Variants in CUL2 observed in about 807,000 individuals in gnomAD.
CUL2 encodes the protein cullin-2.
Under a neutral mutation model 110.2 loss-of-function variants are expected in CUL2, and 22 were observed. The ratio of observed to expected loss-of-function variants is 0.20; its 90% CI spans 0.14 to 0.28. CUL2 has a LOEUF of 0.28. Among genes scored for constraint, CUL2 ranks in the 10% least tolerant of loss-of-function variants. CUL2 has a pLI of 1.00. For missense variants in CUL2, 631 were observed against 905.5 expected, an observed-to-expected ratio of 0.70 and a Z score of 3.89; for synonymous variants, 279 against 293.2, an observed-to-expected ratio of 0.95 and a Z score of 0.49.
chr10:35,051,389 G>A (rs1393051588), intron 5 of CUL2, among the ~76,000 whole-genome samples: 2 of 151,720 alleles, frequency 1.3e-5, no homozygotes, highest in Non-Finnish European at 2.9e-5. Flanking sequence ...CGAGGCGGGC[G>A]GATCACAAGG....
Position 35,011,946 on chromosome 10 carries a change from T to C in CUL2, c.2008A>G (p.Ser670Gly), listed in dbSNP as rs1390039101. The C allele has an allele frequency of 1.9e-6, 3 of 1,603,676 alleles. No homozygotes were observed. The East Asian group carries it at 6.7e-5, about 36-fold the overall frequency. Residue 670 changes from serine to glycine, a missense_variant, in exon 20 of 21, where the codon AGT (serine) becomes GGT (glycine). Physicochemically the swap from Ser to Gly is moderately conservative, Grantham distance 56. This residue lies in a region of CUL2 where 159 missense variants were observed against 202.7 expected (regional missense o/e 0.78). Coordinates refer to ENST00000374749, the MANE Select transcript of CUL2 (RefSeq NM_003591.4). The stretch of plus-strand genomic sequence containing the variant: ...ATTTTCCGGTCCTCATCAACTGCAC[T>C]TCTAGTCTGCTCCATTTCCTGTTTT... The part of the protein sequence containing the change: ...DTPQEMEQTR[S>G]AVDEDRKMYL...
intron 1 of CUL2, among the ~76,000 whole-genome samples, chr10:35,121,294 C>G (rs1005334765): frequency 2.0e-5 from 3 of 152,138 alleles, no homozygotes; most frequent in Non-Finnish European, 2.9e-5. Flanking sequence ...GTGGCGCGAT[C>G]TCAGCTCACT....
At position 35,071,183 on chromosome 10, in the gene CUL2, G is replaced by T. The variant is rs1160585707; in HGVS notation, c.119+16C>A. The T allele has an allele frequency of 6.2e-7, 1 of 1,607,442 alleles. No homozygotes were observed. Among genetic ancestry groups the T allele is most frequent in the Admixed American group, 1.7e-5 (1 of 59,048 alleles). The stretch of plus-strand genomic sequence containing the variant: ...TCAATTTTAGAACATTGATCAAGCT[G>T]CCATTAAAAGGATACGAGAAACGGT... On this transcript the variant is annotated intron_variant, in intron 2 of 20. Coordinates refer to ENST00000374749, the MANE Select transcript of CUL2 (RefSeq NM_003591.4).
At chr10:35,071,846 A>G (rs888703185) in intron 1 of CUL2, among the ~76,000 whole-genome samples, 3 of 152,234 alleles carry the variant, frequency 2.0e-5, no homozygotes, top group Non-Finnish European at 4.4e-5. Flanking sequence ...GACTATTTAC[A>G]TTCATTACAA....
chr10:35,031,373 A>C lies in CUL2; in HGVS notation c.1313T>G (p.Met438Arg). 1 of 1,608,866 alleles carries C rather than the reference A, an allele frequency of 6.2e-7. No homozygotes were observed. The change falls in exon 14 of 21, where the codon ATG (methionine) becomes AGG (arginine). Residue 438 changes from methionine (M) to arginine (R), a missense_variant. Met to Arg is a moderately conservative substitution (Grantham distance 91). Coordinates refer to ENST00000374749, the MANE Select transcript of CUL2 (RefSeq NM_003591.4). This position sits in a 1 kb window ranked among gnomAD's most constrained non-coding sequence, Gnocchi z 4.4. The stretch of plus-strand genomic sequence containing the variant: ...CCCATGAATTAAACGTTTTGCCAGC[A>C]TTCTTGCGTAGAACTACATTTAAAA... ...KDVFQKFYAR[M>R]LAKRLIHGLS...
upstream of CUL2, among the ~76,000 whole-genome samples, chr10:35,093,089 G>T (rs1340236120): frequency 6.6e-6 from 1 of 151,956 alleles, no homozygotes; most frequent in Non-Finnish European, 1.5e-5. Context: ...CCAGAGGCAG[G>T]CTCAGCACTC....
At chr10:35,090,766 C>T (rs2087191536), upstream of CUL2, 1 of 152,310 alleles carries the variant, frequency 6.6e-6, no homozygotes, top group African/African-American at 2.4e-5. Context: ...TTGCGGTTCG[C>T]TGAGCTGATG....
rs190787667 is a variant in CUL2 at position 35,066,368 on chromosome 10, C to T, written c.120-3306G>A. 2.3e-3 allele frequency among the ~76,000 whole-genome samples: 352 copies of T among 151,676 alleles called. 3 individuals carry two copies. Among genetic ancestry groups the T allele is most frequent in the Admixed American group, 4.1e-3 (62 of 15,244 alleles). On this transcript the variant is annotated intron_variant, in intron 2 of 20. Transcript: ENST00000374749. ...CCCAGGCAGTGCGGTGGCGTGATCT[C>T]GGCTCACTGCAAACTTCACCCTCCG...
chr10:35,122,103 G>A (rs1186990211), intron 1 of CUL2, among the ~76,000 whole-genome samples: 1 of 152,136 alleles, frequency 6.6e-6, no homozygotes, highest in African/African-American at 2.4e-5. Flanking sequence ...CATAAATCAA[G>A]CACATATTAT....
chr10:35,026,288 T>C (rs1422134761), intron 16 of CUL2, among the ~76,000 whole-genome samples: 52 of 152,164 alleles, frequency 3.4e-4, no homozygotes, highest in Admixed American at 3.3e-3. Context: ...AAACAGCAAA[T>C]TGAAATATGT....
chr10:35,096,510 G>C (rs2087302268), intron 2 of CUL2, among the ~76,000 whole-genome samples: 1 of 152,254 alleles, frequency 6.6e-6, no homozygotes, highest in African/African-American at 2.4e-5. Context: ...CTACTCTGGA[G>C]GCTGAAATGG....
intron 2 of CUL2, among the ~76,000 whole-genome samples, chr10:35,099,347 C>T (rs1360120596): frequency 6.8e-6 from 1 of 146,510 alleles, no homozygotes; most frequent in East Asian, 2.0e-4. Context: ...GCCTTGATAG[C>T]ATGGCTGCAC....
intron 1 of CUL2, among the ~76,000 whole-genome samples, chr10:35,089,250 C>A (rs1394716329): frequency 6.6e-6 from 1 of 152,148 alleles, no homozygotes; most frequent in East Asian, 1.9e-4. Flanking sequence ...TGTATAAGGG[C>A]AAAAGAAGCA....
rs187027171 is a variant in CUL2, at chr10:35,038,251, C to A, written c.877+669G>T. Reference sequence around the variant, plus strand: ...TTTTTTAAAAATCAGAGAGGCCGGGCGCAGTGGCTCACGCCTGTAATCCCA... The same window carrying A: ...TTTTTTAAAAATCAGAGAGGCCGGGAGCAGTGGCTCACGCCTGTAATCCCA... On this transcript the variant is annotated intron_variant, in intron 9 of 20. Transcript: ENST00000374749. Among the ~76,000 whole-genome samples the A allele has an allele frequency of 2.3e-3, 356 of 151,518 alleles. 3 individuals carry two copies. The highest frequency in any genetic ancestry group is 8.2e-3 in the African/African-American group (341 of 41,350).
chr10:35,079,883 T>C (rs1246985775), intron 1 of CUL2, among the ~76,000 whole-genome samples: 3 of 152,086 alleles, frequency 2.0e-5, no homozygotes, highest in African/African-American at 7.2e-5. Context: ...ACTGCAACAG[T>C]CTATCTGATA....
At chr10:35,046,140 T>C (rs910862791) in intron 6 of CUL2, among the ~76,000 whole-genome samples, 1 of 152,248 alleles carries the variant, frequency 6.6e-6, no homozygotes, top group Non-Finnish European at 1.5e-5. Flanking sequence ...TGAATTAATA[T>C]GGCTACAGTA....
chr10:35,050,775 A>C (rs1489091191), intron 5 of CUL2, among the ~76,000 whole-genome samples: 1 of 152,236 alleles, frequency 6.6e-6, no homozygotes, highest in Admixed American at 6.5e-5. Context: ...TGCTACTGGA[A>C]ACAATGCTGT....
intron 20 of CUL2, 125 bp downstream of exon 20, chr10:35,011,723 A>T (rs1323060316): frequency 1.7e-6 from 1 of 597,412 alleles, no homozygotes; most frequent in East Asian, 2.7e-5. Context: ...TTAAGTATGA[A>T]ACATTTCTTT....
chr10:35,020,356 A>C (rs1474076995), intron 17 of CUL2, among the ~76,000 whole-genome samples: 1 of 152,178 alleles, frequency 6.6e-6, no homozygotes, highest in Non-Finnish European at 1.5e-5. Flanking sequence ...ACAGTCAGGG[A>C]AATTTGAATA....
Sources: allele counts gnomAD v4.1 joint callset (sites outside exome capture counted in the v4.1 genomes callset), GRCh38; gene constraint gnomAD v4.1.1; regional missense constraint gnomAD v4.1.1; non-coding constraint Gnocchi (gnomAD v3.1); transcripts MANE v1.5; gene names NCBI Gene and HGNC (gene_info 2026-07-23, HGNC 2026-07-21).